The following TRAPPC12 variants were observed in gnomAD, a reference collection of about 807,000 sequenced individuals.
The protein encoded by TRAPPC12 is TPR repeat protein 15.
Under a neutral mutation model 69.2 loss-of-function variants are expected in TRAPPC12, and 61 were observed. The ratio of observed to expected loss-of-function variants is 0.88; its 90% CI spans 0.72 to 1.09. The LOEUF is 1.09. Ranked by LOEUF, TRAPPC12 falls within the 50% of genes least tolerant of loss-of-function variation. The pLI is 0.00. For synonymous variants in TRAPPC12, 469 were observed against 438.9 expected (o/e 1.07, Z -0.86); for missense variants, 1,101 against 1,016.4 (o/e 1.08, Z -1.13).
intron 5 of TRAPPC12, among the ~76,000 whole-genome samples, chr2:3,443,571 T>C (rs531896088): frequency 2.0e-4 from 30 of 152,238 alleles, no homozygotes; most frequent in Non-Finnish European, 4.4e-4. Flanking sequence ...CTGTCTCCTC[T>C]GATAATTGTC....
At position 3,479,511 on chromosome 2, in the gene TRAPPC12, C is replaced by G; in HGVS notation, c.*50C>G. On this transcript the variant is annotated 3_prime_UTR_variant, in exon 12 of 12. Coordinates refer to ENST00000324266, the MANE Select transcript of TRAPPC12 (RefSeq NM_016030.6). ...AGGACCCGGGTCTTTGAAACTGTGT[C>G]TTGAAGCTAATGTATTAATGTGACA... The G allele has an allele frequency of 6.3e-7, 1 of 1,597,586 alleles. No individual in the cohort carries two copies. Among genetic ancestry groups the G allele is most frequent in the Non-Finnish European group, 8.5e-7 (1 of 1,171,536 alleles).
chr2:3,405,914 C>T (rs563105782), intron 3 of TRAPPC12, among the ~76,000 whole-genome samples: 2 of 152,288 alleles, frequency 1.3e-5, no homozygotes, highest in South Asian at 4.1e-4. Context: ...CTCCTCATGC[C>T]CTGAATCCAC....
chr2:3,465,737 A>G, intron 9 of TRAPPC12, 42 bp downstream of exon 9: 4 of 1,371,564 alleles, frequency 2.9e-6, no homozygotes, highest in Non-Finnish European at 4.2e-6. Context: ...AGGCCTTATG[A>G]TAGTTCTTTG....
At chr2:3,459,916 T>G in intron 7 of TRAPPC12, 1 of 366,260 alleles carries the variant, frequency 2.7e-6, no homozygotes, top group Non-Finnish European at 5.1e-6. Context: ...CTGCAGGCAA[T>G]GTCGTCGTTT....
chr2:3,432,098 A>G (rs1243790704), intron 5 of TRAPPC12, among the ~76,000 whole-genome samples: 2 of 152,248 alleles, frequency 1.3e-5, no homozygotes, highest in African/African-American at 2.4e-5. Flanking sequence ...TAGGAGCCCA[A>G]AAGATCTTCC....
At chr2:3,440,040 G>A (rs1258328980) in intron 5 of TRAPPC12, among the ~76,000 whole-genome samples, 1 of 152,146 alleles carries the variant, frequency 6.6e-6, no homozygotes, top group Non-Finnish European at 1.5e-5. Flanking sequence ...CTGGGCCACT[G>A]ATCTATTTGT....
At chr2:3,410,436 T>G (rs543877293) in intron 3 of TRAPPC12, among the ~76,000 whole-genome samples, 1 of 152,164 alleles carries the variant, frequency 6.6e-6, no homozygotes, top group African/African-American at 2.4e-5. Flanking sequence ...AGAAAATAAG[T>G]CTTAGAATAT....
chr2:3,417,396 C>T (rs1203852730), intron 3 of TRAPPC12, among the ~76,000 whole-genome samples: 2 of 151,578 alleles, frequency 1.3e-5, no homozygotes, highest in East Asian at 3.9e-4. Context: ...TGACCACGTG[C>T]AGTCTTTAGA....
At chr2:3,393,740 A>G (rs1263262158) in intron 2 of TRAPPC12, among the ~76,000 whole-genome samples, 1 of 152,052 alleles carries the variant, frequency 6.6e-6, no homozygotes, top group Non-Finnish European at 1.5e-5. Context: ...TTAGTGTTCC[A>G]TAAAGAGTGA....
At chr2:3,449,736 G>A (rs893983807) in intron 6 of TRAPPC12, among the ~76,000 whole-genome samples, 3 of 152,146 alleles carry the variant, frequency 2.0e-5, no homozygotes, top group Non-Finnish European at 2.9e-5. Flanking sequence ...TCAGGGCCTG[G>A]CCACCCGCAC....
intron 6 of TRAPPC12, chr2:3,456,979 C>T: frequency 4.9e-6 from 2 of 405,302 alleles, no homozygotes; most frequent in Non-Finnish European, 9.7e-6. Flanking sequence ...ACCACTTTCA[C>T]CATCAGCTGG....
rs965387790 is a variant in TRAPPC12, at chr2:3,388,315, C to T, written c.692C>T (p.Ala231Val). 1 of 1,604,738 alleles carries T rather than the reference C, an allele frequency of 6.2e-7. No homozygotes were observed. The highest frequency in any genetic ancestry group is 8.5e-7 in the Non-Finnish European group (1 of 1,176,080). Residue 231 changes from alanine to valine, a missense_variant, in exon 2 of 12, where the codon GCC (alanine) becomes GTC (valine). By Grantham distance (64) the Ala-to-Val change is moderately conservative. Coordinates refer to ENST00000324266, the MANE Select transcript of TRAPPC12 (RefSeq NM_016030.6). ...SDFFDSFTTS[A>V]FISVSNPGAG... The stretch of plus-strand genomic sequence containing the variant: ...TTCTTCGACTCCTTTACTACCTCCG[C>T]CTTCATTTCCGTCAGCAATCCCGGC...
chr2:3,462,128 A>G (rs981993652), intron 8 of TRAPPC12, among the ~76,000 whole-genome samples: 15 of 152,368 alleles, frequency 9.8e-5, no homozygotes, highest in Non-Finnish European at 2.1e-4. Flanking sequence ...CCAGGGAGGA[A>G]AGTTCCCTGT....
chr2:3,472,850 A>G (rs554084709), intron 9 of TRAPPC12, among the ~76,000 whole-genome samples: 1 of 152,174 alleles, frequency 6.6e-6, no homozygotes, highest in Non-Finnish European at 1.5e-5. Context: ...GGAACTGACA[A>G]CCAGGGACCA....
chr2:3,471,359 C>G (rs1401711853), intron 9 of TRAPPC12, among the ~76,000 whole-genome samples: 7 of 152,170 alleles, frequency 4.6e-5, no homozygotes, highest in Non-Finnish European at 8.8e-5. Context: ...TCCATCTCCC[C>G]CCTCGGCCTC....
intron 5 of TRAPPC12, among the ~76,000 whole-genome samples, chr2:3,439,178 G>A (rs929253097): frequency 7.9e-5 from 12 of 152,086 alleles, no homozygotes; most frequent in African/African-American, 2.7e-4. Flanking sequence ...GTTTTAATTT[G>A]CAGTTCCCTA....
chr2:3,453,130 A>G (rs988885692), intron 6 of TRAPPC12, among the ~76,000 whole-genome samples: 1 of 152,190 alleles, frequency 6.6e-6, no homozygotes, highest in South Asian at 2.1e-4. Flanking sequence ...GCCCCTGCAA[A>G]TGGACATGAT....
chr2:3,419,430 G>A (rs13399186), intron 3 of TRAPPC12, among the ~76,000 whole-genome samples: 1 of 151,954 alleles, frequency 6.6e-6, no homozygotes, highest in Non-Finnish European at 1.5e-5. Context: ...GTAAATTATC[G>A]TAACCAATCT....
At chr2:3,418,032 C>T (rs1479593967) in intron 3 of TRAPPC12, among the ~76,000 whole-genome samples, 2 of 116,454 alleles carry the variant, frequency 1.7e-5, no homozygotes, top group Admixed American at 9.4e-5. Flanking sequence ...AATAGAGACT[C>T]TGTCTCAAAA....
Sources: allele counts gnomAD v4.1 joint callset (sites outside exome capture counted in the v4.1 genomes callset), GRCh38; gene constraint gnomAD v4.1.1; transcripts MANE v1.5; gene names NCBI Gene and HGNC (gene_info 2026-07-23, HGNC 2026-07-21).